The following DPP6 variants were observed in gnomAD, a reference collection of about 807,000 sequenced individuals.
DPP6 encodes the protein A-type potassium channel modulatory protein DPP6.
In DPP6, 69 loss-of-function variants were observed where a neutral mutation model predicts 122.6. The observed-to-expected ratio is 0.56, with a 90% confidence interval of 0.46 to 0.69. The LOEUF (loss-of-function observed/expected upper bound fraction) is 0.69, where lower values mean the gene tolerates loss of function less well. Ranked by LOEUF, DPP6 falls within the 30% of genes least tolerant of loss-of-function variation. The pLI is 0.00. For missense variants in DPP6, 928 were observed against 1,116.9 expected, an observed-to-expected ratio of 0.83 and a Z score of 2.41; for synonymous variants, 418 against 433.1, an observed-to-expected ratio of 0.97 and a Z score of 0.43.
intron 17 of DPP6, among the ~76,000 whole-genome samples, chr7:154,866,177 C>G (rs1380366143): frequency 6.6e-6 from 1 of 152,200 alleles, no homozygotes; most frequent in East Asian, 1.9e-4. Flanking sequence ...CAGCAAAGAG[C>G]TTGGGAAATG....
chr7:154,106,175 C>T (rs1806148323), intron 1 of DPP6, among the ~76,000 whole-genome samples: 1 of 146,784 alleles, frequency 6.8e-6, no homozygotes, highest in Non-Finnish European at 1.5e-5. Context: ...CTTGAGTTCC[C>T]CCAGGCTCCG....
chr7:154,224,493 C>T (rs1427462605), intron 1 of DPP6, among the ~76,000 whole-genome samples: 1 of 149,096 alleles, frequency 6.7e-6, no homozygotes, highest in Non-Finnish European at 1.5e-5. Flanking sequence ...AATGTTTCTG[C>T]ATTGGTCTCC....
In DPP6 at chr7:154,062,962, C is replaced by G. The variant is rs535640284; in HGVS notation, c.243+9899C>G. ...CAGGTAGAAATTTCAAATCTTCCGA[C>G]GGCAGGTACCTTACGTGGAATTACT... On this transcript the variant is annotated intron_variant, in intron 1 of 25. Transcript: ENST00000377770. 4.5e-5 allele frequency among the ~76,000 whole-genome samples: 6 copies of G among 134,040 alleles called. 1 individual carries two copies. Among genetic ancestry groups the G allele is most frequent in the African/African-American group, 1.6e-4 (6 of 36,898 alleles). The allele number at this position is 134,040 out of a possible 152,430, so 87.9% of individuals were successfully genotyped here.
At chr7:154,541,233 C>A (rs1306524232) in intron 4 of DPP6, among the ~76,000 whole-genome samples, 3 of 152,138 alleles carry the variant, frequency 2.0e-5, no homozygotes, top group African/African-American at 7.2e-5. Flanking sequence ...CAAGCTCAGG[C>A]AATCCTCCCA....
At chr7:154,265,108 GATA>G in intron 1 of DPP6, among the ~76,000 whole-genome samples, 1 of 150,942 alleles carries the variant, frequency 6.6e-6, no homozygotes, top group African/African-American at 2.5e-5. Context: ...TGATGATAAT[GATA>G]GTGATAGTGA....
At chr7:154,678,718 G>T (rs1045780633) in intron 7 of DPP6, among the ~76,000 whole-genome samples, 1 of 152,214 alleles carries the variant, frequency 6.6e-6, no homozygotes, top group Non-Finnish European at 1.5e-5. Flanking sequence ...TGTTTGTTTT[G>T]CTCTTAAAGG....
intron 1 of DPP6, among the ~76,000 whole-genome samples, chr7:154,102,477 CTG>C (rs1214138482): frequency 6.6e-6 from 1 of 152,216 alleles, no homozygotes; most frequent in Non-Finnish European, 1.5e-5. Flanking sequence ...GCATGAGCCA[CTG>C]TGCCCAGCCA....
chr7:153,865,314 T>C, the DPP6 span, among the ~76,000 whole-genome samples: 1 of 152,182 alleles, frequency 6.6e-6, no homozygotes, highest in African/African-American at 2.4e-5. Context: ...ACCACAGATA[T>C]TTTTTGTTGA....
intron 3 of DPP6, among the ~76,000 whole-genome samples, chr7:154,498,666 A>G (rs973398656): frequency 4.6e-5 from 7 of 152,070 alleles, no homozygotes; most frequent in Non-Finnish European, 1.0e-4. Flanking sequence ...GGCTAGTGTC[A>G]TTGCCCTCAA....
intron 13 of DPP6, among the ~76,000 whole-genome samples, chr7:154,802,139 A>G (rs530686180): frequency 1.3e-5 from 2 of 152,286 alleles, no homozygotes; most frequent in East Asian, 3.9e-4. Context: ...GAAGGGAAGC[A>G]TGATCTTGGA....
chr7:154,679,883 C>A (rs1223564877), intron 7 of DPP6, among the ~76,000 whole-genome samples: 1 of 152,046 alleles, frequency 6.6e-6, no homozygotes, highest in Non-Finnish European at 1.5e-5. Flanking sequence ...GTTAGCACTA[C>A]CAAAGGGACC....
Position 154,403,009 on chromosome 7 carries a change from A to T in DPP6, c.244-43205A>T, listed in dbSNP as rs1815771373. On this transcript the variant is annotated intron_variant, in intron 1 of 25. Transcript: ENST00000377770. This position sits in a 1 kb window ranked among gnomAD's most constrained non-coding sequence, Gnocchi z 4.1. The stretch of plus-strand genomic sequence containing the variant: ...TCAGAGGGATTTAGGCATTTGCCCA[A>T]GATTATGATGTGTAAAACAGAGATG... Among the ~76,000 whole-genome samples the T allele has an allele frequency of 2.0e-5, 3 of 152,320 alleles. No homozygotes were observed. The South Asian group carries it at 6.2e-4, about 32-fold the overall frequency.
intron 1 of DPP6, among the ~76,000 whole-genome samples, chr7:154,261,248 A>G (rs1802997493): frequency 1.3e-5 from 2 of 152,282 alleles, no homozygotes; most frequent in Middle Eastern, 6.8e-3. Context: ...TGGTTGCACT[A>G]GTTTACATTT....
At chr7:154,633,904 G>A (rs1835557992) in intron 5 of DPP6, among the ~76,000 whole-genome samples, 1 of 151,958 alleles carries the variant, frequency 6.6e-6, no homozygotes, top group Admixed American at 6.5e-5. Context: ...TCAACAGTGT[G>A]TTCTGGAATG....
At position 154,783,044 on chromosome 7, in the gene DPP6, A is replaced by G. The variant is rs886880360; in HGVS notation, c.1136+10102A>G. Among the ~76,000 whole-genome samples, 7 of 152,192 alleles carry G rather than the reference A, an allele frequency of 4.6e-5. No individual in the cohort carries two copies. The East Asian group carries it at 1.2e-3, about 25-fold the overall frequency. On this transcript the variant is annotated intron_variant, in intron 10 of 25. Coordinates refer to ENST00000377770, the MANE Select transcript of DPP6 (RefSeq NM_130797.4). ...GGTGATCCACCCACCTCGGCCTCCC[A>G]AAGTGCTGGGACATGCGGTTCCTAA...
chr7:154,348,254 C>T (rs1469708294), intron 1 of DPP6, among the ~76,000 whole-genome samples: 1 of 152,202 alleles, frequency 6.6e-6, no homozygotes, highest in Non-Finnish European at 1.5e-5. Flanking sequence ...TCATACGATT[C>T]TATTCTTGAA....
intron 3 of DPP6, among the ~76,000 whole-genome samples, chr7:154,515,762 T>C (rs890650556): frequency 6.6e-6 from 1 of 152,154 alleles, no homozygotes; most frequent in African/African-American, 2.4e-5. Context: ...ACGTGAGCTA[T>C]TGCGCCTGGC....
intron 1 of DPP6, among the ~76,000 whole-genome samples, chr7:154,311,110 G>A (rs1441070393): frequency 6.6e-6 from 1 of 152,112 alleles, no homozygotes; most frequent in Non-Finnish European, 1.5e-5. Flanking sequence ...TCTTGTTTCA[G>A]ACACTGTTTG....
chr7:154,116,105 T>C (rs1448773669), intron 1 of DPP6, among the ~76,000 whole-genome samples: 1 of 151,214 alleles, frequency 6.6e-6, no homozygotes, highest in Non-Finnish European at 1.5e-5. Flanking sequence ...TATTTATATA[T>C]GGTGTGCCTG....
Sources: gnomAD v4.1 joint callset for allele counts (sites outside exome capture counted in the v4.1 genomes callset) on GRCh38, gnomAD v4.1.1 for gene constraint, Gnocchi (gnomAD v3.1) non-coding constraint, MANE v1.5 for transcripts, NCBI Gene and HGNC (gene_info 2026-07-23, HGNC 2026-07-21) for gene names.